FGF1: variants seen among roughly 807,000 people sequenced by gnomAD.
FGF1 encodes the protein beta-endothelial cell growth factor.
A neutral mutation model predicts 13.4 loss-of-function variants in FGF1; 9 were observed. That is an observed-to-expected ratio of 0.67 (90% confidence interval 0.40 to 1.17). The LOEUF (loss-of-function observed/expected upper bound fraction) is 1.17, where lower values mean the gene tolerates loss of function less well. Ranked by LOEUF, FGF1 falls within the 50% of genes most tolerant of loss-of-function variation. FGF1 has a pLI of 0.01. For missense variants in FGF1, 156 were observed against 192.7 expected (o/e 0.81, Z 1.13); for synonymous variants, 93 against 79.0 (o/e 1.18, Z -0.94).
At chr5:142,696,765 G>A (rs575206141) in intron 2 of FGF1, among the ~76,000 whole-genome samples, 9 of 152,270 alleles carry the variant, frequency 5.9e-5, no homozygotes, top group African/African-American at 2.2e-4. Flanking sequence ...TTCAAACTGG[G>A]TTTCAGTCCA....
intron 2 of FGF1, among the ~76,000 whole-genome samples, chr5:142,613,576 G>C (rs1177681016): frequency 6.6e-6 from 1 of 152,236 alleles, no homozygotes; most frequent in Non-Finnish European, 1.5e-5. Flanking sequence ...TCTCTGTGCA[G>C]GATTTACCAC....
At chr5:142,638,075 C>T (rs546924711) in intron 1 of FGF1, among the ~76,000 whole-genome samples, 9 of 152,102 alleles carry the variant, frequency 5.9e-5, no homozygotes, top group South Asian at 4.1e-4. Context: ...TGAACAAAGC[C>T]GGCAGAGCTT....
At chr5:142,695,398 A>G (rs1256910177) in intron 2 of FGF1, among the ~76,000 whole-genome samples, 4 of 152,138 alleles carry the variant, frequency 2.6e-5, no homozygotes, top group Admixed American at 2.0e-4. Flanking sequence ...CCTGGCCAAC[A>G]TGGCAAAATC....
chr5:142,611,114 T>A (rs562398705), intron 2 of FGF1, among the ~76,000 whole-genome samples: 3 of 152,306 alleles, frequency 2.0e-5, no homozygotes, highest in African/African-American at 7.2e-5. Flanking sequence ...GATCAAGGAA[T>A]CAAAAATATC....
At chr5:142,651,383 A>T (rs1425761194) in intron 1 of FGF1, among the ~76,000 whole-genome samples, 1 of 152,160 alleles carries the variant, frequency 6.6e-6, no homozygotes, top group Non-Finnish European at 1.5e-5. Flanking sequence ...GTTCCAGCAA[A>T]ACCGAGCAGA....
rs374904863 is a variant in FGF1, at chr5:142,669,641, G to A, written c.-35+16316C>T. ...CCAGGAGCAGCCCATCTGGCAGGAC[G>A]ACTGCTGCACTCGCTGTGGGGCGTG... On this transcript the variant is annotated intron_variant, in intron 1 of 3. Transcript: ENST00000337706. Among the ~76,000 whole-genome samples the A allele has an allele frequency of 8.9e-4, 135 of 152,362 alleles. 2 individuals are homozygous for A. Among genetic ancestry groups the A allele is most frequent in the African/African-American group, 2.9e-3 (121 of 41,590 alleles).
At position 142,594,931 on chromosome 5, in the gene FGF1, A is replaced by T; in HGVS notation, c.*359T>A. The T allele has an allele frequency of 5.5e-6, 1 of 181,780 alleles. No homozygotes were observed. Among genetic ancestry groups the T allele is most frequent in the Non-Finnish European group, 1.1e-5 (1 of 87,584 alleles). 11.3% of individuals were successfully genotyped at this position (181,780 alleles called of 1,614,324 possible). A position where few individuals can be genotyped will look rare whatever the true frequency, so the allele number is the denominator to read the frequency against. ...ATCACAGATAGGGTTTACTCAGTAG[A>T]GGGAAATAGTGTGCAGTTACTAATG... On this transcript the variant is annotated 3_prime_UTR_variant, in exon 4 of 4. Coordinates refer to ENST00000337706, the MANE Select transcript of FGF1 (RefSeq NM_000800.5).
chr5:142,648,672 A>AT (rs1273777875), intron 1 of FGF1, among the ~76,000 whole-genome samples: 1 of 100,098 alleles, frequency 1.0e-5, no homozygotes, highest in Non-Finnish European at 2.0e-5. Flanking sequence ...AAAAAAAGTG[A>AT]TTTGTCCCCC....
At chr5:142,651,397 G>A (rs1249595800) in intron 1 of FGF1, among the ~76,000 whole-genome samples, 1 of 152,120 alleles carries the variant, frequency 6.6e-6, no homozygotes, top group Non-Finnish European at 1.5e-5. Flanking sequence ...GAGCAGAAAG[G>A]ACAGAGAATT....
chr5:142,694,628 C>G (rs1362479230), intron 2 of FGF1, among the ~76,000 whole-genome samples: 4 of 152,164 alleles, frequency 2.6e-5, no homozygotes, highest in Non-Finnish European at 5.9e-5. Flanking sequence ...AGGGAGGACC[C>G]CAGCTTGGTC....
At chr5:142,639,095 A>G (rs1489459492) in intron 1 of FGF1, among the ~76,000 whole-genome samples, 3 of 152,054 alleles carry the variant, frequency 2.0e-5, no homozygotes, top group African/African-American at 7.3e-5. Context: ...TACAGCCATT[A>G]TGGAAAACAG....
intron 2 of FGF1, among the ~76,000 whole-genome samples, chr5:142,693,064 A>G (rs2152071593): frequency 6.6e-6 from 1 of 151,448 alleles, no homozygotes; most frequent in Non-Finnish European, 1.5e-5. Flanking sequence ...TGTCCAGGAA[A>G]GAGGAAAAAA....
intron 1 of FGF1, among the ~76,000 whole-genome samples, chr5:142,651,249 T>C (rs919009664): frequency 2.6e-5 from 4 of 152,190 alleles, no homozygotes; most frequent in African/African-American, 4.8e-5. Flanking sequence ...CCTAGGAAAG[T>C]GGGCAAGACC....
At chr5:142,615,943 G>T (rs1260822395) in intron 1 of FGF1, among the ~76,000 whole-genome samples, 2 of 152,166 alleles carry the variant, frequency 1.3e-5, no homozygotes, top group Non-Finnish European at 2.9e-5. Context: ...TGACCCAAAG[G>T]TTGGCTAGTC....
chr5:142,682,441 G>A (rs72796625), intron 1 of FGF1, among the ~76,000 whole-genome samples: 29,633 of 151,954 alleles, frequency 0.2, 3,338 homozygotes, highest in Non-Finnish European at 0.25. Context: ...GCAAATACAT[G>A]GTACTCACTA....
chr5:142,596,186 G>C (rs887399205), intron 3 of FGF1, among the ~76,000 whole-genome samples: 1 of 152,224 alleles, frequency 6.6e-6, no homozygotes, highest in Non-Finnish European at 1.5e-5. Flanking sequence ...GATGCTACTT[G>C]TGGTCAGGCA....
At chr5:142,613,445 C>A (rs942538974) in intron 2 of FGF1, among the ~76,000 whole-genome samples, 20 of 152,222 alleles carry the variant, frequency 1.3e-4, no homozygotes, top group Admixed American at 1.2e-3. Flanking sequence ...CTGCGTGATA[C>A]GCAGAGGGAA....
At chr5:142,661,846 A>G (rs1769291231) in intron 1 of FGF1, among the ~76,000 whole-genome samples, 1 of 152,176 alleles carries the variant, frequency 6.6e-6, no homozygotes, top group Admixed American at 6.5e-5. Context: ...TACTAAAAAT[A>G]CAAAAAATTA....
At chr5:142,630,183 T>C (rs1030671568) in intron 1 of FGF1, among the ~76,000 whole-genome samples, 5 of 152,110 alleles carry the variant, frequency 3.3e-5, no homozygotes, top group Non-Finnish European at 7.4e-5. Context: ...TGAGCCACCA[T>C]GCCTGGCTTA....
Sources: allele counts gnomAD v4.1 joint callset (sites outside exome capture counted in the v4.1 genomes callset), GRCh38; gene constraint gnomAD v4.1.1; transcripts MANE v1.5; gene names NCBI Gene and HGNC (gene_info 2026-07-23, HGNC 2026-07-21).